The following SVOP variants were observed in gnomAD, a reference collection of about 807,000 sequenced individuals.
SVOP encodes synaptic vesicle 2-related protein.
SVOP carries 17 observed loss-of-function variants against 69.1 expected under a neutral mutation model. The ratio of observed to expected loss-of-function variants is 0.25; its 90% CI spans 0.17 to 0.37. SVOP has a LOEUF of 0.37. SVOP is among the 10% of genes least tolerant of loss of function. The pLI is 1.00. For synonymous variants in SVOP, 238 were observed against 238.6 expected (o/e 1.00, Z 0.02); for missense variants, 435 against 597.5 (o/e 0.73, Z 2.84).
chr12:108,934,823 G>A lies in SVOP; in HGVS notation c.972-552C>T, dbSNP rs138874853. 3.7e-3 allele frequency among the ~76,000 whole-genome samples: 563 copies of A among 152,328 alleles called. 2 individuals carry two copies. The highest frequency in any genetic ancestry group is 5.2e-3 in the Non-Finnish European group (355 of 68,022). On this transcript the variant is annotated intron_variant, in intron 10 of 15. Transcript: ENST00000610966. ...ACCCTATATGGTCTAAAAAGGGAAG[G>A]CATGAATAATCCACCTCTTGTTTAG...
At chr12:108,960,849 C>A (rs1333631291) in intron 6 of SVOP, 74 bp downstream of exon 6, 85 of 1,502,876 alleles carry the variant, frequency 5.7e-5, no homozygotes, top group Non-Finnish European at 6.4e-5. Flanking sequence ...CAGCCCCTAA[C>A]TCCTGATCCA....
chr12:108,981,724 G>A (rs2040136023), intron 2 of SVOP, among the ~76,000 whole-genome samples: 1 of 152,120 alleles, frequency 6.6e-6, no homozygotes, highest in Non-Finnish European at 1.5e-5. Context: ...AGGATTAGAT[G>A]GATAAAACAT....
chr12:108,996,839 G>C lies in SVOP; in HGVS notation c.36-13078C>G, dbSNP rs553050167. 2.0e-5 allele frequency among the ~76,000 whole-genome samples: 3 copies of C among 152,148 alleles called. No individual in the cohort carries two copies. In the South Asian group the frequency reaches 6.2e-4, roughly 32 times the overall value. ...CCCAGCTACTCAGGAGGCTAAAGTG[G>C]GAGAATCACTTGAGCCCAGGAGTTT... On this transcript the variant is annotated intron_variant, in intron 1 of 15. Transcript: ENST00000610966.
chr12:108,932,263 T>C (rs2039825177), intron 11 of SVOP, among the ~76,000 whole-genome samples: 1 of 152,108 alleles, frequency 6.6e-6, no homozygotes, highest in Non-Finnish European at 1.5e-5. Context: ...GTGATCCTCC[T>C]GCCTCTTCCT....
At chr12:109,013,275 T>TA (rs1029286196) in intron 1 of SVOP, among the ~76,000 whole-genome samples, 3 of 152,114 alleles carry the variant, frequency 2.0e-5, no homozygotes, top group Admixed American at 6.5e-5. Flanking sequence ...TTAGCGATGA[T>TA]ACGTGCTATG....
Position 109,021,013 on chromosome 12 carries a change from G to C in SVOP, c.-145C>G. On this transcript the variant is annotated 5_prime_UTR_variant, in exon 1 of 16. Coordinates refer to ENST00000610966, the MANE Select transcript of SVOP (RefSeq NM_018711.5). ...GCAGCAGCTGTTCGGGGAGGGAGCC[G>C]CTGGGGACCAGCCCACGAGACAAAG... 1.7e-6 allele frequency: 1 copy of C among 574,578 alleles called. No homozygotes were observed. Among genetic ancestry groups the C allele is most frequent in the South Asian group, 2.1e-5 (1 of 48,436 alleles). The allele number at this position is 574,578 out of a possible 1,614,324, so 35.6% of individuals were successfully genotyped here. A position where few individuals can be genotyped will look rare whatever the true frequency, so the allele number is the denominator to read the frequency against.
chr12:108,997,377 CT>C (rs1432153542), intron 1 of SVOP, among the ~76,000 whole-genome samples: 1 of 149,396 alleles, frequency 6.7e-6, no homozygotes, highest in Non-Finnish European at 1.5e-5. Flanking sequence ...GGCAGCGAGG[CT>C]GGGGGAGGGG....
intron 4 of SVOP, 87 bp from the exon 5 acceptor site, chr12:108,972,563 C>A: frequency 1.5e-6 from 2 of 1,328,734 alleles, no homozygotes; most frequent in South Asian, 1.3e-5. Flanking sequence ...GTGACGTCAC[C>A]CTCTAGGTAA....
chr12:108,986,136 T>C (rs574165694), intron 1 of SVOP, among the ~76,000 whole-genome samples: 2 of 152,312 alleles, frequency 1.3e-5, no homozygotes, highest in South Asian at 2.1e-4. Flanking sequence ...TCACCTCTAA[T>C]AGAATCAAGT....
At chr12:108,986,697 G>A (rs567788033) in intron 1 of SVOP, among the ~76,000 whole-genome samples, 10 of 152,208 alleles carry the variant, frequency 6.6e-5, no homozygotes, top group Admixed American at 1.3e-4. Flanking sequence ...TCAATATTAC[G>A]GAAATGCAAA....
chr12:108,992,305 C>T lies in SVOP; in HGVS notation c.36-8544G>A, dbSNP rs143792334. Among the ~76,000 whole-genome samples, 56 of 151,106 alleles carry T rather than the reference C, an allele frequency of 3.7e-4. 1 individual carries two copies. In the East Asian group the frequency reaches 8.5e-3, roughly 23 times the overall value. On this transcript the variant is annotated intron_variant, in intron 1 of 15. Transcript: ENST00000610966. The stretch of plus-strand genomic sequence containing the variant: ...CCTGTAATCCCAGCACTTTAGGAGG[C>T]GGAGGCAAGAGGATCACTTCAGTCT...
At chr12:108,980,183 A>AC (rs2040128192) in intron 2 of SVOP, among the ~76,000 whole-genome samples, 1 of 69,234 alleles carries the variant, frequency 1.4e-5, no homozygotes, top group South Asian at 3.5e-4. Flanking sequence ...GTCTCAAAAT[A>AC]AAAAAAATCC....
rs558387425 is a variant in SVOP at position 109,008,824 on chromosome 12, G to A, written c.35+12010C>T. 5.9e-4 allele frequency among the ~76,000 whole-genome samples: 90 copies of A among 152,138 alleles called. 2 individuals are homozygous for A. Among genetic ancestry groups the A allele is most frequent in the Admixed American group, 7.9e-4 (12 of 15,250 alleles). On this transcript the variant is annotated intron_variant, in intron 1 of 15. Transcript: ENST00000610966. ...AAACCAAATTGCCTGAGTTGAGTGCGCACACACTTACTCATTCTTTGACAT... is the reference window on the plus strand; with the variant it reads ...AAACCAAATTGCCTGAGTTGAGTGCACACACACTTACTCATTCTTTGACAT...
chr12:109,018,335 C>A (rs1189932775), intron 1 of SVOP, among the ~76,000 whole-genome samples: 1 of 152,086 alleles, frequency 6.6e-6, no homozygotes, highest in African/African-American at 2.4e-5. Context: ...TCAAATGAAC[C>A]ACCCCAGAGC....
intron 15 of SVOP, among the ~76,000 whole-genome samples, chr12:108,913,245 G>C (rs1392911929): frequency 6.6e-6 from 1 of 152,014 alleles, no homozygotes; most frequent in Non-Finnish European, 1.5e-5. Context: ...ATTTTTAGTA[G>C]AGATGGGGTT....
At chr12:108,978,937 C>G (rs1167751476) in intron 2 of SVOP, among the ~76,000 whole-genome samples, 1 of 152,004 alleles carries the variant, frequency 6.6e-6, no homozygotes, top group Admixed American at 6.6e-5. Context: ...TATTAAATAT[C>G]CACATTATGA....
At chr12:108,922,920 T>C in intron 11 of SVOP, 123 bp from the exon 12 acceptor site, 1 of 673,946 alleles carries the variant, frequency 1.5e-6, no homozygotes, top group Non-Finnish European at 2.6e-6. Context: ...GAGCCCAGAC[T>C]CAGAGACAGA....
At chr12:108,993,385 A>AT (rs927026090) in intron 1 of SVOP, among the ~76,000 whole-genome samples, 1 of 151,524 alleles carries the variant, frequency 6.6e-6, no homozygotes, top group Non-Finnish European at 1.5e-5. Flanking sequence ...CTTCAAAAAA[A>AT]AAAAAAAAGA....
At chr12:109,005,503 C>CCTGA in intron 1 of SVOP, among the ~76,000 whole-genome samples, 1 of 152,028 alleles carries the variant, frequency 6.6e-6, no homozygotes, top group East Asian at 1.9e-4. Context: ...TGACATGGTC[C>CCTGA]CTGACCTCGA....
Sources: allele counts gnomAD v4.1 joint callset (sites outside exome capture counted in the v4.1 genomes callset), GRCh38; gene constraint gnomAD v4.1.1; transcripts MANE v1.5; gene names NCBI Gene and HGNC (gene_info 2026-07-23, HGNC 2026-07-21).